The following B4GALT4 variants were observed in gnomAD, a reference collection of about 807,000 sequenced individuals.
The protein encoded by B4GALT4 is beta-1,4-galactosyltransferase 4, also known as N-acetyllactosamine synthase.
Under a neutral mutation model 37.3 loss-of-function variants are expected in B4GALT4, and 27 were observed. The observed-to-expected ratio is 0.72, with a 90% CI of 0.53 to 1.00. B4GALT4 has a LOEUF of 1.00. Ranked by LOEUF, B4GALT4 falls within the 50% of genes least tolerant of loss-of-function variation. The probability of loss-of-function intolerance (pLI) is 0.00; values close to 1 mark genes in which losing one functional copy is unlikely to be tolerated. For synonymous variants in B4GALT4, 148 were observed against 154.1 expected, an observed-to-expected ratio of 0.96 and a Z score of 0.29; for missense variants, 372 against 413.1, an observed-to-expected ratio of 0.90 and a Z score of 0.86.
In B4GALT4 at chr3:119,239,336, A is replaced by AAAAAG. The variant is rs2079079051; in HGVS notation, c.-364+1513_-364+1514insCTTTT. 2.0e-5 allele frequency among the ~76,000 whole-genome samples: 3 copies of AAAAAG among 151,804 alleles called. No individual in the cohort carries two copies. In the South Asian group the frequency reaches 6.3e-4, roughly 32 times the overall value. On this transcript the variant is annotated intron_variant, in intron 1 of 7. Transcript: ENST00000393765. ...GCCAGATTCCATCTCAAAAAAAAAA[A>AAAAAG]AAAAAATTATATTTTTATCGAGAAC...
At chr3:119,214,515 T>C (rs1461714810) in intron 7 of B4GALT4, 1 of 152,176 alleles carries the variant, frequency 6.6e-6, no homozygotes, top group Non-Finnish European at 1.5e-5. Flanking sequence ...TCTCGAGGAC[T>C]ACTGGGATTC....
At chr3:119,239,163 T>C (rs1488289478) in intron 1 of B4GALT4, among the ~76,000 whole-genome samples, 1 of 151,924 alleles carries the variant, frequency 6.6e-6, no homozygotes, top group Admixed American at 6.5e-5. Context: ...CCATCACTAC[T>C]AAAAATACAA....
At chr3:119,220,516 G>C (rs1303338519) in intron 5 of B4GALT4, among the ~76,000 whole-genome samples, 1 of 152,230 alleles carries the variant, frequency 6.6e-6, no homozygotes, top group Non-Finnish European at 1.5e-5. Context: ...TGAGGAGAGA[G>C]GTGTCGCCAC....
At chr3:119,218,985 C>T (rs2078370237) in intron 5 of B4GALT4, among the ~76,000 whole-genome samples, 1 of 152,000 alleles carries the variant, frequency 6.6e-6, no homozygotes, top group Admixed American at 6.6e-5. Flanking sequence ...GCTCACTGAG[C>T]AAAGTGCCAC....
chr3:119,227,063 G>C (rs763916221), intron 3 of B4GALT4, 22 bp from the exon 4 acceptor site: 6 of 1,599,946 alleles, frequency 3.8e-6, no homozygotes, highest in South Asian at 1.1e-5. Context: ...ATAGGACACA[G>C]ACAATAACAG....
intron 1 of B4GALT4, among the ~76,000 whole-genome samples, chr3:119,238,581 T>C (rs2079054446): frequency 1.3e-5 from 2 of 152,234 alleles, no homozygotes; most frequent in South Asian, 2.1e-4. Context: ...ATGACATTCA[T>C]ATCTTTTATC....
chr3:119,224,768 T>A (rs778024643), intron 4 of B4GALT4, among the ~76,000 whole-genome samples: 1 of 152,170 alleles, frequency 6.6e-6, no homozygotes, highest in African/African-American at 2.4e-5. Flanking sequence ...ACTCAAATAA[T>A]CAATAATAAT....
intron 3 of B4GALT4, among the ~76,000 whole-genome samples, chr3:119,229,590 G>C (rs72955095): frequency 0.022 from 3,388 of 152,292 alleles, 117 homozygotes; most frequent in African/African-American, 0.076. Context: ...TATGGTTCCA[G>C]CAAGATTCCA....
At chr3:119,237,957 A>T (rs929726512) in intron 1 of B4GALT4, among the ~76,000 whole-genome samples, 2 of 152,352 alleles carry the variant, frequency 1.3e-5, no homozygotes, top group South Asian at 2.1e-4. Flanking sequence ...AAGTAGAAAA[A>T]AAGATATAAC....
intron 5 of B4GALT4, among the ~76,000 whole-genome samples, chr3:119,222,600 G>A (rs2078482575): frequency 6.6e-6 from 1 of 152,174 alleles, no homozygotes; most frequent in Non-Finnish European, 1.5e-5. Context: ...CTCCATATCA[G>A]ACTAAAGAAG....
chr3:119,213,624 A>G (rs2078216024), intron 7 of B4GALT4: 1 of 151,598 alleles, frequency 6.6e-6, no homozygotes, highest in Admixed American at 6.5e-5. Flanking sequence ...GAGAAGTGTT[A>G]CTTGGGTAGG....
intron 7 of B4GALT4, chr3:119,214,973 C>G (rs1407226015): frequency 6.6e-6 from 1 of 152,168 alleles, no homozygotes; most frequent in Non-Finnish European, 1.5e-5. Flanking sequence ...TGTTGTGACA[C>G]TGGAGGAAGT....
At chr3:119,230,373 A>G (rs2078770496) in intron 2 of B4GALT4, 129 bp from the exon 3 acceptor site, 4 of 424,748 alleles carry the variant, frequency 9.4e-6, no homozygotes, top group South Asian at 6.4e-5. Context: ...TCTTCCACTT[A>G]GCATTTAGAG....
chr3:119,221,383 G>A (rs1482383410), intron 5 of B4GALT4, among the ~76,000 whole-genome samples: 4 of 152,218 alleles, frequency 2.6e-5, no homozygotes, highest in Non-Finnish European at 4.4e-5. Flanking sequence ...CCTTTCTTGC[G>A]CTTGTACTTG....
chr3:119,216,369 T>A (rs72655936), intron 6 of B4GALT4, 25 bp from the exon 7 acceptor site: 76,909 of 1,592,162 alleles, frequency 0.048, 2,443 homozygotes, highest in East Asian at 0.16. Context: ...GAGATTTTTT[T>A]AAAGTCCATC....
At chr3:119,217,373 T>A (rs1285182440) in intron 6 of B4GALT4, among the ~76,000 whole-genome samples, 1 of 152,164 alleles carries the variant, frequency 6.6e-6, no homozygotes, top group African/African-American at 2.4e-5. Context: ...ACTACGGCCA[T>A]TTCTGTAGAG....
At chr3:119,221,864 T>C (rs565229416) in intron 5 of B4GALT4, among the ~76,000 whole-genome samples, 2 of 152,332 alleles carry the variant, frequency 1.3e-5, no homozygotes, top group Non-Finnish European at 2.9e-5. Flanking sequence ...TTCTGATACC[T>C]AGTTATAAAA....
chr3:119,227,097 G>A (rs565153081), intron 3 of B4GALT4, 56 bp from the exon 4 acceptor site: 1 of 1,486,560 alleles, frequency 6.7e-7, no homozygotes, highest in East Asian at 2.3e-5. Context: ...AAGTGTTGAG[G>A]TTTACACGAG....
chr3:119,216,395 T>C (rs1460393527), intron 6 of B4GALT4, 51 bp from the exon 7 acceptor site: 1 of 1,472,366 alleles, frequency 6.8e-7, no homozygotes. Flanking sequence ...TATCTACCAC[T>C]AGGCAAATAA....
Sources: gnomAD v4.1 joint callset for allele counts (sites outside exome capture counted in the v4.1 genomes callset) on GRCh38, gnomAD v4.1.1 for gene constraint, MANE v1.5 for transcripts, NCBI Gene and HGNC (gene_info 2026-07-23, HGNC 2026-07-21) for gene names.